AFF1: variants seen among roughly 807,000 people sequenced by gnomAD.
The protein encoded by AFF1 is ALF transcription elongation factor 1, also known as AF4/FMR2 family member 1.
Under a neutral mutation model 121.7 loss-of-function variants are expected in AFF1, and 48 were observed. That is an observed-to-expected ratio of 0.39 (90% CI 0.31 to 0.50). The LOEUF (loss-of-function observed/expected upper bound fraction) is 0.50, where lower values mean the gene tolerates loss of function less well. Among genes scored for constraint, AFF1 ranks in the 20% least tolerant of loss-of-function variants. The pLI, the probability that AFF1 is intolerant of heterozygous loss-of-function variation, is 0.76. For synonymous variants in AFF1, 613 were observed against 563.0 expected (o/e 1.09, Z -1.26); for missense variants, 1,523 against 1,511.7 (o/e 1.01, Z -0.12).
Position 87,138,273 on chromosome 4 carries a change from AT to A in AFF1, c.*2577del. ...ACGGTTGTATATAGAGGTCTGAAGG[AT>A]TTTTAAAATGATTTGCACTTTTTCA... On this transcript the variant is annotated 3_prime_UTR_variant, in exon 21 of 21. Transcript: ENST00000395146. 1 of 232,594 alleles carries A rather than the reference AT, an allele frequency of 4.3e-6. No individual in the cohort carries two copies. The highest frequency in any genetic ancestry group is 5.6e-5 in the Admixed American group (1 of 17,790). The allele number at this position is 232,594 out of a possible 1,614,324, so 14.4% of individuals were successfully genotyped here.
At chr4:87,064,392 A>G (rs1002032087) in intron 4 of AFF1, among the ~76,000 whole-genome samples, 4 of 152,226 alleles carry the variant, frequency 2.6e-5, no homozygotes, top group African/African-American at 9.6e-5. Context: ...GAATGTCCCA[A>G]GATATTCATT....
chr4:86,979,934 A>G (rs1723601940), intron 2 of AFF1, among the ~76,000 whole-genome samples: 1 of 152,162 alleles, frequency 6.6e-6, no homozygotes, highest in Admixed American at 6.5e-5. Flanking sequence ...CTTTTGAGAC[A>G]GAGTCTCACT....
intron 2 of AFF1, among the ~76,000 whole-genome samples, chr4:87,000,652 TG>T (rs1178115032): frequency 7.8e-6 from 1 of 128,304 alleles, no homozygotes; most frequent in Non-Finnish European, 1.8e-5. Flanking sequence ...GCAGAGGAAG[TG>T]GGGGAACTTG....
intron 2 of AFF1, among the ~76,000 whole-genome samples, chr4:86,961,466 T>C (rs1361502489): frequency 6.6e-6 from 1 of 151,920 alleles, no homozygotes. Context: ...ATGAATGAGA[T>C]AAAAAGTTGT....
At chr4:86,940,232 A>AC (rs956952290) in intron 1 of AFF1, among the ~76,000 whole-genome samples, 2 of 152,110 alleles carry the variant, frequency 1.3e-5, no homozygotes, top group African/African-American at 4.8e-5. Context: ...AGTTTCATGG[A>AC]CCCCTGGGTT....
At chr4:87,022,700 G>GTA (rs200354872) in intron 2 of AFF1, among the ~76,000 whole-genome samples, 30 of 146,078 alleles carry the variant, frequency 2.1e-4, no homozygotes, top group South Asian at 1.1e-3. Flanking sequence ...ATATCTGTGT[G>GTA]TATATATATA....
intron 4 of AFF1, among the ~76,000 whole-genome samples, chr4:87,066,529 G>C (rs925933203): frequency 2.0e-5 from 3 of 152,180 alleles, no homozygotes; most frequent in African/African-American, 4.8e-5. Context: ...TGAGGTTACA[G>C]TGAGCTATAT....
chr4:87,051,969 A>G (rs147415345), intron 4 of AFF1, among the ~76,000 whole-genome samples: 1 of 152,300 alleles, frequency 6.6e-6, no homozygotes, highest in East Asian at 1.9e-4. Flanking sequence ...GATGAGATGA[A>G]TCAGAGGAGG....
intron 16 of AFF1, among the ~76,000 whole-genome samples, chr4:87,128,361 T>C (rs1277080409): frequency 6.6e-6 from 1 of 152,236 alleles, no homozygotes; most frequent in African/African-American, 2.4e-5. Flanking sequence ...GTGTACATAA[T>C]TATGCTTTTA....
chr4:87,047,935 T>C (rs1730888337), intron 4 of AFF1: 2 of 285,194 alleles, frequency 7.0e-6, no homozygotes, highest in Non-Finnish European at 1.4e-5. Flanking sequence ...AGAGAGAAGA[T>C]TTCGGTTACC....
intron 4 of AFF1, among the ~76,000 whole-genome samples, chr4:87,056,576 A>G (rs1362833171): frequency 2.0e-5 from 3 of 152,168 alleles, no homozygotes; most frequent in Non-Finnish European, 2.9e-5. Flanking sequence ...ATTTTTTCCT[A>G]TTAAATAATC....
Position 87,126,048 on chromosome 4 carries a change from G to C in AFF1, c.2574-51G>C, listed in dbSNP as rs371560903. On this transcript the variant is annotated intron_variant, in intron 13 of 20. Coordinates refer to ENST00000395146, the MANE Select transcript of AFF1 (RefSeq NM_001166693.3). ...CAGTTTGTAACTAAACAACGAAGCC[G>C]CTTGATGTGTACTTTGCCTCCTCTT... 4 of 1,557,368 alleles carry C rather than the reference G, an allele frequency of 2.6e-6. No homozygotes were observed. The African/African-American group carries it at 5.4e-5, about 21-fold the overall frequency.
rs773527390 is a variant in AFF1, at chr4:87,131,101, G to A, written c.2983G>A (p.Ala995Thr). 6.2e-7 allele frequency: 1 copy of A among 1,614,056 alleles called. No individual in the cohort carries two copies. Among genetic ancestry groups the A allele is most frequent in the Admixed American group, 1.7e-5 (1 of 60,002 alleles). The change falls in exon 17 of 21, where the codon GCT (alanine) becomes ACT (threonine). Residue 995 changes from alanine to threonine, a missense_variant. By Grantham distance (58) the Ala-to-Thr change is moderately conservative. Transcript: ENST00000395146. ...CCTGCAGACGGACAGGGTTGGAAAGGCTTTTAAGTACCTGGAAGCCGTCTT... is the reference window on the plus strand; with the variant it reads ...CCTGCAGACGGACAGGGTTGGAAAGACTTTTAAGTACCTGGAAGCCGTCTT... ...AELMTDRVGK[A>T]FKYLEAVLSF...
intron 2 of AFF1, among the ~76,000 whole-genome samples, chr4:87,021,776 T>A (rs1301043269): frequency 2.0e-5 from 3 of 152,252 alleles, no homozygotes; most frequent in Non-Finnish European, 2.9e-5. Flanking sequence ...GACTTATTCT[T>A]TATGTGTGTT....
At chr4:87,007,632 G>C (rs1247459011) in intron 2 of AFF1, among the ~76,000 whole-genome samples, 1 of 152,178 alleles carries the variant, frequency 6.6e-6, no homozygotes, top group Non-Finnish European at 1.5e-5. Context: ...AGCGGAGAGA[G>C]GGATGGAGTT....
chr4:87,047,195 T>C lies in AFF1; in HGVS notation c.660T>C (p.Pro220=). Residue 220 remains proline (P), a synonymous_variant, in exon 4 of 21, where the codon CCT becomes CCC. Transcript: ENST00000395146. ...CTTCCCCAGTTCCCCCTTTGTCACC[T>C]ATACATTCCAACCAGCAAACTCTTC... ...SLPSPVPPLS[P]IHSNQQTLPR... is the part of the protein sequence containing the mutation. 6.2e-7 allele frequency: 1 copy of C among 1,614,114 alleles called. No homozygotes were observed. The highest frequency in any genetic ancestry group is 8.5e-7 in the Non-Finnish European group (1 of 1,180,024).
chr4:86,969,655 C>T (rs1189819732), intron 2 of AFF1, among the ~76,000 whole-genome samples: 10 of 150,354 alleles, frequency 6.7e-5, no homozygotes, highest in East Asian at 2.0e-4. Flanking sequence ...CCGAGGCAGG[C>T]GGATCACGAG....
chr4:86,995,846 C>T (rs1321706551), intron 2 of AFF1, among the ~76,000 whole-genome samples: 2 of 150,832 alleles, frequency 1.3e-5, no homozygotes, highest in Non-Finnish European at 2.9e-5. Flanking sequence ...TGCCTGGCCG[C>T]CATCCCATCT....
intron 15 of AFF1, 49 bp downstream of exon 15, chr4:87,127,166 T>TGGGGGGG: frequency 3.7e-6 from 4 of 1,084,610 alleles, no homozygotes; most frequent in Non-Finnish European, 5.2e-6. Flanking sequence ...TTGTTTTGCT[T>TGGGGGGG]CCCCCCCCCA....
Sources: gnomAD v4.1 joint callset for allele counts (sites outside exome capture counted in the v4.1 genomes callset) on GRCh38, gnomAD v4.1.1 for gene constraint, MANE v1.5 for transcripts, NCBI Gene and HGNC (gene_info 2026-07-23, HGNC 2026-07-21) for gene names.